Variants in COX7B2 observed in about 807,000 individuals in gnomAD.
The protein encoded by COX7B2 is cytochrome c oxidase subunit 7B2.
For missense variants in COX7B2, 109 were observed against 95.9 expected (o/e 1.14, Z -0.57); for synonymous variants, 37 against 32.1 (o/e 1.15, Z -0.51).
At chr4:46,866,287 A>T (rs1717658431) in intron 1 of COX7B2, among the ~76,000 whole-genome samples, 1 of 152,158 alleles carries the variant, frequency 6.6e-6, no homozygotes, top group Non-Finnish European at 1.5e-5. Flanking sequence ...ACCTCTATAG[A>T]TCCACCTTGG....
At chr4:46,879,385 A>G (rs1282154479) in intron 1 of COX7B2, among the ~76,000 whole-genome samples, 1 of 151,698 alleles carries the variant, frequency 6.6e-6, no homozygotes, top group African/African-American at 2.4e-5. Flanking sequence ...CAGTGTGATC[A>G]CGGCTCGCTG....
chr4:46,835,501 C>T (rs1439129660), intron 2 of COX7B2, among the ~76,000 whole-genome samples: 1 of 151,992 alleles, frequency 6.6e-6, no homozygotes, highest in Non-Finnish European at 1.5e-5. Flanking sequence ...GAAGAAGAGT[C>T]TGACGGCTAC....
At chr4:46,796,613 A>T (rs1180676152) in intron 2 of COX7B2, among the ~76,000 whole-genome samples, 15 of 78,076 alleles carry the variant, frequency 1.9e-4, no homozygotes, top group Non-Finnish European at 1.9e-4. Flanking sequence ...AATGAGTATA[A>T]ATCATGCTGC....
chr4:46,883,686 C>T (rs1718890615), intron 1 of COX7B2, among the ~76,000 whole-genome samples: 1 of 151,764 alleles, frequency 6.6e-6, no homozygotes, highest in Non-Finnish European at 1.5e-5. Context: ...TACAGTGAGC[C>T]AAGATTGCAC....
At chr4:46,758,353 T>C (rs28372401) in intron 2 of COX7B2, among the ~76,000 whole-genome samples, 49,831 of 151,896 alleles carry the variant, frequency 0.33, 8,435 homozygotes, top group South Asian at 0.47. Flanking sequence ...GAGTCAGTTA[T>C]CTCAACTAAC....
chr4:46,753,561 T>G (rs1715546754), intron 2 of COX7B2, among the ~76,000 whole-genome samples: 1 of 151,570 alleles, frequency 6.6e-6, no homozygotes, highest in Non-Finnish European at 1.5e-5. Context: ...CAAAAATTAA[T>G]TCAAGATGGA....
chr4:46,810,637 T>C (rs1021154047), intron 2 of COX7B2, among the ~76,000 whole-genome samples: 2 of 152,134 alleles, frequency 1.3e-5, no homozygotes, highest in African/African-American at 4.8e-5. Flanking sequence ...TTTGATGATT[T>C]TGACTTTTAA....
chr4:46,794,000 C>A lies in COX7B2; in HGVS notation c.-50+50960G>T, dbSNP rs1051889866. The stretch of plus-strand genomic sequence containing the variant: ...TAATGGCCTCCCCTGAAGCAACTGC[C>A]ATGAAAGACAATACCAATTCTCTTC... On this transcript the variant is annotated intron_variant, in intron 2 of 2. Coordinates refer to ENST00000355591, the MANE Select transcript of COX7B2 (RefSeq NM_130902.3). Among the ~76,000 whole-genome samples, 21 of 152,248 alleles carry A rather than the reference C, an allele frequency of 1.4e-4. 1 individual carries two copies. The highest frequency in any genetic ancestry group is 6.8e-3 in the Middle Eastern group (2 of 294).
At chr4:46,871,401 G>A (rs1337247845) in intron 1 of COX7B2, among the ~76,000 whole-genome samples, 1 of 152,062 alleles carries the variant, frequency 6.6e-6, no homozygotes, top group Non-Finnish European at 1.5e-5. Context: ...AGATAACCTA[G>A]ACAATATCAT....
intron 2 of COX7B2, among the ~76,000 whole-genome samples, chr4:46,832,103 A>C (rs1425844050): frequency 1.3e-5 from 2 of 152,190 alleles, no homozygotes; most frequent in African/African-American, 4.8e-5. Flanking sequence ...CCCAGCCAGC[A>C]GTGGCAACCT....
At chr4:46,803,732 CTTTTT>C (rs5858039) in intron 2 of COX7B2, among the ~76,000 whole-genome samples, 3 of 123,288 alleles carry the variant, frequency 2.4e-5, no homozygotes, top group Non-Finnish European at 5.1e-5. Flanking sequence ...GGTTTACTTT[CTTTTT>C]TTTTTTTTTT....
chr4:46,750,375 C>T (rs1471446825), intron 2 of COX7B2, among the ~76,000 whole-genome samples: 1 of 151,870 alleles, frequency 6.6e-6, no homozygotes, highest in Non-Finnish European at 1.5e-5. Flanking sequence ...TCAGCCTGGG[C>T]AAAAGAGACT....
At chr4:46,905,224 T>C (rs1560447388) in intron 1 of COX7B2, among the ~76,000 whole-genome samples, 2 of 151,930 alleles carry the variant, frequency 1.3e-5, no homozygotes. Flanking sequence ...TGAATAGAAG[T>C]AAGGTTTGTC....
At chr4:46,864,008 T>C (rs1717494661) in intron 1 of COX7B2, among the ~76,000 whole-genome samples, 1 of 152,196 alleles carries the variant, frequency 6.6e-6, no homozygotes, top group South Asian at 2.1e-4. Context: ...TGCCTCACTA[T>C]GCCCGCTATT....
chr4:46,878,201 A>G (rs1276779290), intron 1 of COX7B2, among the ~76,000 whole-genome samples: 1 of 152,118 alleles, frequency 6.6e-6, no homozygotes, highest in Non-Finnish European at 1.5e-5. Flanking sequence ...AAAAAAATTG[A>G]TCAAAGTCAT....
intron 2 of COX7B2, among the ~76,000 whole-genome samples, chr4:46,831,235 G>A (rs1043493748): frequency 1.3e-5 from 2 of 152,114 alleles, no homozygotes; most frequent in Non-Finnish European, 2.9e-5. Context: ...GCCCACCAAC[G>A]CAGCGCTTGA....
chr4:46,822,411 G>A (rs1714363631), intron 2 of COX7B2, among the ~76,000 whole-genome samples: 1 of 152,052 alleles, frequency 6.6e-6, no homozygotes, highest in Non-Finnish European at 1.5e-5. Flanking sequence ...GAGGATCCAG[G>A]TGAGGAGAGG....
chr4:46,906,452 T>C (rs541766005), intron 1 of COX7B2, among the ~76,000 whole-genome samples: 1 of 152,342 alleles, frequency 6.6e-6, no homozygotes, highest in African/African-American at 2.4e-5. Flanking sequence ...TTTTCTTCTA[T>C]CCTTCTATCT....
At chr4:46,776,638 A>G (rs1717170048) in intron 2 of COX7B2, among the ~76,000 whole-genome samples, 1 of 152,044 alleles carries the variant, frequency 6.6e-6, no homozygotes, top group Admixed American at 6.6e-5. Flanking sequence ...TGCAAAGGAG[A>G]AAGACAAAAG....
Sources: allele counts gnomAD v4.1 joint callset (sites outside exome capture counted in the v4.1 genomes callset), GRCh38; gene constraint gnomAD v4.1.1; transcripts MANE v1.5; gene names NCBI Gene and HGNC (gene_info 2026-07-23, HGNC 2026-07-21).